IL15: variants seen among roughly 807,000 people sequenced by gnomAD.
IL15 encodes interleukin-15.
A neutral mutation model predicts 19.6 loss-of-function variants in IL15; 11 were observed. The ratio of observed to expected loss-of-function variants is 0.56; its 90% CI spans 0.35 to 0.93. The LOEUF is 0.93. IL15 is among the 40% of genes least tolerant of loss of function. The pLI is 0.01. For synonymous variants in IL15, 58 were observed against 59.6 expected (o/e 0.97, Z 0.12); for missense variants, 197 against 186.5 (o/e 1.06, Z -0.33).
intron 2 of IL15, among the ~76,000 whole-genome samples, chr4:141,698,436 G>T (rs1186474904): frequency 1.3e-5 from 2 of 151,836 alleles, no homozygotes; most frequent in African/African-American, 2.4e-5. Context: ...ATGTCTGATA[G>T]AATTCAGCTG....
At chr4:141,692,138 C>T (rs938861264) in intron 2 of IL15, among the ~76,000 whole-genome samples, 3 of 152,276 alleles carry the variant, frequency 2.0e-5, no homozygotes, top group African/African-American at 7.2e-5. Context: ...TAAAGCACGG[C>T]CCAAGCTGTG....
intron 1 of IL15, among the ~76,000 whole-genome samples, chr4:141,642,152 T>C (rs1033043676): frequency 3.3e-5 from 5 of 152,140 alleles, no homozygotes; most frequent in Non-Finnish European, 5.9e-5. Flanking sequence ...GCCCCTTTAT[T>C]TGGCACCCTG....
intron 5 of IL15, among the ~76,000 whole-genome samples, chr4:141,725,216 T>C (rs900005055): frequency 3.3e-5 from 5 of 152,152 alleles, no homozygotes; most frequent in African/African-American, 1.2e-4. Context: ...AGGTATCTGA[T>C]AAAATGCAAC....
intron 2 of IL15, among the ~76,000 whole-genome samples, chr4:141,707,100 T>C (rs1034553356): frequency 1.3e-5 from 2 of 152,320 alleles, no homozygotes; most frequent in East Asian, 3.9e-4. Context: ...CATTCTCTTT[T>C]GTTCTTATTT....
chr4:141,690,034 C>G (rs763927583), intron 2 of IL15, among the ~76,000 whole-genome samples: 1 of 152,192 alleles, frequency 6.6e-6, no homozygotes, highest in African/African-American at 2.4e-5. Flanking sequence ...GGCGAGAAAT[C>G]GAGCACAGCG....
chr4:141,698,957 G>A (rs1431503673), intron 2 of IL15, among the ~76,000 whole-genome samples: 4 of 151,884 alleles, frequency 2.6e-5, no homozygotes, highest in African/African-American at 9.7e-5. Flanking sequence ...TTTCATGTAG[G>A]CATTTAATGC....
intron 6 of IL15, among the ~76,000 whole-genome samples, chr4:141,728,746 T>A (rs1486280290): frequency 6.6e-6 from 1 of 152,096 alleles, no homozygotes; most frequent in African/African-American, 2.4e-5. Flanking sequence ...AAAGAGATAT[T>A]CACTAACCAA....
chr4:141,646,396 T>G (rs1037487814), intron 1 of IL15, among the ~76,000 whole-genome samples: 1 of 151,960 alleles, frequency 6.6e-6, no homozygotes. Context: ...TGTCTAAGAG[T>G]CTTTTACCTT....
chr4:141,721,625 T>A, intron 4 of IL15: 1 of 523,794 alleles, frequency 1.9e-6, no homozygotes, highest in Non-Finnish European at 3.5e-6. Context: ...TTGCCACACA[T>A]CTGGCACTGC....
intron 2 of IL15, among the ~76,000 whole-genome samples, chr4:141,679,129 G>A (rs1248044612): frequency 6.6e-6 from 1 of 152,114 alleles, no homozygotes; most frequent in Non-Finnish European, 1.5e-5. Context: ...TATGGATTGT[G>A]TATGAAACAA....
intron 1 of IL15, among the ~76,000 whole-genome samples, chr4:141,647,084 C>G (rs1160035278): frequency 6.6e-6 from 1 of 152,026 alleles, no homozygotes. Context: ...TACCAGTGTT[C>G]TATTTATTCA....
Position 141,732,755 on chromosome 4 carries a change from A to G in IL15, c.396A>G (p.Gly132=), listed in dbSNP as rs1246292586. 2 of 1,611,720 alleles carry G rather than the reference A, an allele frequency of 1.2e-6. No individual in the cohort carries two copies. The highest frequency in any genetic ancestry group is 1.7e-6 in the Non-Finnish European group (2 of 1,179,338). Residue 132 remains glycine (G), a synonymous_variant, in exon 8 of 8, where the codon GGA becomes GGG. Coordinates refer to ENST00000320650, the MANE Select transcript of IL15 (RefSeq NM_000585.5). ...LSSNGNVTES[G]CKECEELEEK... ...TTTTGCAGAATGTAACAGAATCTGG[A>G]TGCAAAGAATGTGAGGAACTGGAGG...
At chr4:141,644,598 G>T (rs1284313623) in intron 1 of IL15, among the ~76,000 whole-genome samples, 1 of 152,044 alleles carries the variant, frequency 6.6e-6, no homozygotes, top group Non-Finnish European at 1.5e-5. Flanking sequence ...ATCCCCCATA[G>T]CTTATCTCGT....
At chr4:141,665,916 T>C (rs1345481593) in intron 2 of IL15, among the ~76,000 whole-genome samples, 2 of 152,040 alleles carry the variant, frequency 1.3e-5, no homozygotes, top group Non-Finnish European at 2.9e-5. Flanking sequence ...TATATGTCTT[T>C]TGTTAAAGTA....
chr4:141,638,330 C>T (rs539295840), intron 1 of IL15, among the ~76,000 whole-genome samples: 3 of 152,166 alleles, frequency 2.0e-5, no homozygotes, highest in Non-Finnish European at 4.4e-5. Flanking sequence ...GGTCCTTATT[C>T]GTGTAAAATT....
At chr4:141,705,059 T>C (rs59297360) in intron 2 of IL15, among the ~76,000 whole-genome samples, 369 of 152,096 alleles carry the variant, frequency 2.4e-3, no homozygotes, top group African/African-American at 8.2e-3. Context: ...TTCATTTTTT[T>C]GTCTGTATTT....
chr4:141,672,165 G>A (rs1728196739), intron 2 of IL15, among the ~76,000 whole-genome samples: 1 of 152,114 alleles, frequency 6.6e-6, no homozygotes, highest in African/African-American at 2.4e-5. Context: ...TAACCAATAG[G>A]TTATGAGTGA....
intron 2 of IL15, among the ~76,000 whole-genome samples, chr4:141,703,024 A>G (rs1035737797): frequency 4.6e-5 from 7 of 152,168 alleles, no homozygotes; most frequent in African/African-American, 1.7e-4. Flanking sequence ...AGATTTCACA[A>G]AGGGAGTGGG....
chr4:141,728,983 C>G (rs187028771), intron 6 of IL15, among the ~76,000 whole-genome samples: 1 of 152,054 alleles, frequency 6.6e-6, no homozygotes, highest in Non-Finnish European at 1.5e-5. Context: ...AAACTGACTC[C>G]ACCACTTTTT....
Sources: allele counts gnomAD v4.1 joint callset (sites outside exome capture counted in the v4.1 genomes callset), GRCh38; gene constraint gnomAD v4.1.1; transcripts MANE v1.5; gene names NCBI Gene and HGNC (gene_info 2026-07-23, HGNC 2026-07-21).